Variants in FAM120A observed in about 807,000 individuals in gnomAD.
FAM120A encodes constitutive coactivator of PPAR-gamma-like protein 1.
FAM120A carries 15 observed loss-of-function variants against 109.7 expected under a neutral mutation model. The observed-to-expected ratio is 0.14, with a 90% CI of 0.09 to 0.21. FAM120A has a LOEUF of 0.21. Ranked by LOEUF, FAM120A falls within the 10% of genes least tolerant of loss-of-function variation. The pLI is 1.00. For synonymous variants in FAM120A, 493 were observed against 572.8 expected (o/e 0.86, Z 1.99); for missense variants, 899 against 1,439.3 (o/e 0.62, Z 6.07).
chr9:93,460,582 G>A lies in FAM120A; in HGVS notation c.474+8193G>A, dbSNP rs151216588. On this transcript the variant is annotated intron_variant, in intron 1 of 17. Transcript: ENST00000277165. ...GGACTCCTGACCTCGTGATCCACCC[G>A]CCCTGGCCTCCCAAAGTGCTGGGAT... 6.6e-3 allele frequency among the ~76,000 whole-genome samples: 1,008 copies of A among 152,230 alleles called. 14 individuals are homozygous for A. The highest frequency in any genetic ancestry group is 0.023 in the African/African-American group (971 of 41,546).
At chr9:93,463,692 T>C (rs1260462834) in intron 1 of FAM120A, among the ~76,000 whole-genome samples, 1 of 152,230 alleles carries the variant, frequency 6.6e-6, no homozygotes, top group Non-Finnish European at 1.5e-5. Flanking sequence ...CGCTCTTATG[T>C]CAGGTTGTTT....
In FAM120A at chr9:93,564,368, C is replaced by T. The variant is rs776720883; in HGVS notation, c.3185C>T (p.Pro1062Leu). 2 of 1,614,066 alleles carry T rather than the reference C, an allele frequency of 1.2e-6. No individual in the cohort carries two copies. Among genetic ancestry groups the T allele is most frequent in the African/African-American group, 2.7e-5 (2 of 74,926 alleles). The change falls in exon 18 of 18, where the codon CCC becomes CTC. Residue 1062 changes from proline (P) to leucine (L), a missense_variant. By Grantham distance (98) the Pro-to-Leu change is moderately conservative (BLOSUM62 -3). Coordinates refer to ENST00000277165, the MANE Select transcript of FAM120A (RefSeq NM_014612.5). ...GTGATGGCCGAGGAGAAGCCGGCTC[C>T]CCAGATGAACGGGAGCACGGGTGAC... ...NGVMAEEKPAPQMNGSTGDAR... is the reference protein window; with the variant it reads ...NGVMAEEKPALQMNGSTGDAR...
intron 5 of FAM120A, among the ~76,000 whole-genome samples, chr9:93,505,339 C>T (rs990185877): frequency 6.6e-6 from 1 of 151,996 alleles, no homozygotes; most frequent in African/African-American, 2.4e-5. Context: ...GGATTACAGG[C>T]GTGAGCCACT....
chr9:93,509,377 A>G (rs1860211146), intron 5 of FAM120A, among the ~76,000 whole-genome samples: 1 of 152,208 alleles, frequency 6.6e-6, no homozygotes, highest in African/African-American at 2.4e-5. Flanking sequence ...CCTGGGGGCT[A>G]TGAGCCGTAA....
Position 93,451,908 on chromosome 9 carries a change from C to T in FAM120A, c.-8C>T. Reference sequence around the variant, plus strand: ...GCCCGCACCCGCGCCCGCGCCCCCGCCGCCGCCATGGGCGTGCAGGGCTTC... The same window carrying T: ...GCCCGCACCCGCGCCCGCGCCCCCGTCGCCGCCATGGGCGTGCAGGGCTTC... On this transcript the variant is annotated 5_prime_UTR_variant, in exon 1 of 18. Coordinates refer to ENST00000277165, the MANE Select transcript of FAM120A (RefSeq NM_014612.5). 1 of 1,280,694 alleles carries T rather than the reference C, an allele frequency of 7.8e-7. No homozygotes were observed. Among genetic ancestry groups the T allele is most frequent in the Non-Finnish European group, 9.8e-7 (1 of 1,018,790 alleles). The allele number at this position is 1,280,694 out of a possible 1,614,324, so 79.3% of individuals were successfully genotyped here.
chr9:93,462,525 A>C (rs921682163), intron 1 of FAM120A, among the ~76,000 whole-genome samples: 7 of 152,144 alleles, frequency 4.6e-5, no homozygotes, highest in Non-Finnish European at 1.0e-4. Flanking sequence ...CAAGTGACCC[A>C]CCACCCTTGG....
At chr9:93,534,214 G>A (rs1395183583) in intron 10 of FAM120A, among the ~76,000 whole-genome samples, 1 of 152,172 alleles carries the variant, frequency 6.6e-6, no homozygotes, top group African/African-American at 2.4e-5. Flanking sequence ...CAGTAGAGAA[G>A]GCTCTCAGAA....
At chr9:93,533,001 G>C (rs982035605) in intron 10 of FAM120A, among the ~76,000 whole-genome samples, 9 of 152,106 alleles carry the variant, frequency 5.9e-5, no homozygotes, top group Admixed American at 5.2e-4. Context: ...TGTAATACTT[G>C]GAGAAAATGA....
chr9:93,505,537 A>G (rs1013465673), intron 5 of FAM120A, among the ~76,000 whole-genome samples: 1 of 152,210 alleles, frequency 6.6e-6, no homozygotes, highest in Non-Finnish European at 1.5e-5. Flanking sequence ...TGTCAAATAC[A>G]TGAATTTTTC....
chr9:93,488,426 G>A (rs937412267), intron 3 of FAM120A, among the ~76,000 whole-genome samples: 1 of 151,966 alleles, frequency 6.6e-6, no homozygotes, highest in African/African-American at 2.4e-5. Flanking sequence ...TCAGTGTTCT[G>A]TAGTCTTTCT....
chr9:93,517,015 A>G (rs1385998189), intron 7 of FAM120A, among the ~76,000 whole-genome samples: 1 of 152,188 alleles, frequency 6.6e-6, no homozygotes, highest in Non-Finnish European at 1.5e-5. Flanking sequence ...GGTTGATGTT[A>G]CATCTGTTTC....
chr9:93,484,808 A>G (rs1175357996), intron 3 of FAM120A, among the ~76,000 whole-genome samples: 3 of 152,196 alleles, frequency 2.0e-5, no homozygotes, highest in African/African-American at 7.2e-5. Flanking sequence ...TCCTGATCTC[A>G]GGTGATCCAC....
At chr9:93,552,267 G>C (rs1862127185) in intron 12 of FAM120A, among the ~76,000 whole-genome samples, 1 of 152,066 alleles carries the variant, frequency 6.6e-6, no homozygotes, top group Admixed American at 6.5e-5. Context: ...TATAACTTTT[G>C]AAAAACAATC....
At chr9:93,538,842 AAAG>A (rs910228468) in intron 10 of FAM120A, among the ~76,000 whole-genome samples, 3 of 151,936 alleles carry the variant, frequency 2.0e-5, no homozygotes, top group African/African-American at 7.2e-5. Context: ...TGTGCTACTA[AAAG>A]AAGATGACTA....
At chr9:93,475,472 A>C (rs1014784652) in intron 2 of FAM120A, among the ~76,000 whole-genome samples, 3 of 152,168 alleles carry the variant, frequency 2.0e-5, no homozygotes, top group African/African-American at 7.2e-5. Context: ...CATAATGTGG[A>C]GGTGATTAAG....
chr9:93,556,543 C>G lies in FAM120A; in HGVS notation c.2436C>G (p.Leu812=). 2 of 1,614,226 alleles carry G rather than the reference C, an allele frequency of 1.2e-6. No homozygotes were observed. Among genetic ancestry groups the G allele is most frequent in the African/African-American group, 1.3e-5 (1 of 75,050 alleles). Residue 812 remains leucine, a synonymous_variant, in exon 13 of 18, where the codon CTC becomes CTG. Transcript: ENST00000277165. ...GGAAGCTCTTCCAATCCAAACTCCT[C>G]AAAGCCAGCCGGGAAAAGACCCCAC... ...FDGKLFQSKL[L]KASREKTPLI...
chr9:93,474,396 C>T (rs1351003915), intron 2 of FAM120A, among the ~76,000 whole-genome samples: 1 of 151,942 alleles, frequency 6.6e-6, no homozygotes, highest in Non-Finnish European at 1.5e-5. Context: ...TCACTGTGCT[C>T]AAATGAGAAA....
chr9:93,505,009 G>T (rs541773153), intron 5 of FAM120A, among the ~76,000 whole-genome samples: 1 of 146,802 alleles, frequency 6.8e-6, no homozygotes, highest in Admixed American at 6.8e-5. Flanking sequence ...GGCCAGTAGG[G>T]TTTCCTCTAT....
chr9:93,508,407 G>C (rs1860160073), intron 5 of FAM120A, among the ~76,000 whole-genome samples: 3 of 152,144 alleles, frequency 2.0e-5, no homozygotes, highest in Non-Finnish European at 4.4e-5. Flanking sequence ...CCTGTGCCCT[G>C]ACAGGTCCCC....
Sources: allele counts gnomAD v4.1 joint callset (sites outside exome capture counted in the v4.1 genomes callset), GRCh38; gene constraint gnomAD v4.1.1; transcripts MANE v1.5; gene names NCBI Gene and HGNC (gene_info 2026-07-23, HGNC 2026-07-21).